The following DLG2 variants were observed in gnomAD, a reference collection of about 807,000 sequenced individuals.
The protein encoded by DLG2 is disks large homolog 2.
Under a neutral mutation model 132.5 loss-of-function variants are expected in DLG2, and 45 were observed. The ratio of observed to expected loss-of-function variants is 0.34; its 90% CI spans 0.27 to 0.44. DLG2 has a LOEUF of 0.44. DLG2 is among the 20% of genes least tolerant of loss of function. The probability of loss-of-function intolerance (pLI) is 1.00; values close to 1 mark genes in which losing one functional copy is unlikely to be tolerated. For missense variants in DLG2, 1,045 were observed against 1,196.9 expected, an observed-to-expected ratio of 0.87 and a Z score of 1.87; for synonymous variants, 424 against 419.6, an observed-to-expected ratio of 1.01 and a Z score of -0.13.
chr11:84,924,383 G>A (rs1304118229), intron 6 of DLG2, among the ~76,000 whole-genome samples: 2 of 152,274 alleles, frequency 1.3e-5, no homozygotes, highest in African/African-American at 4.8e-5. Flanking sequence ...TCAGCTTCCA[G>A]CAACAAGGAA....
intron 17 of DLG2, among the ~76,000 whole-genome samples, chr11:83,828,718 C>T (rs1480990640): frequency 6.6e-6 from 1 of 152,178 alleles, no homozygotes. Context: ...CCTCCTTATA[C>T]ATGGGTATCT....
intron 11 of DLG2, among the ~76,000 whole-genome samples, chr11:84,048,026 A>G (rs1163977962): frequency 6.6e-6 from 1 of 151,562 alleles, no homozygotes; most frequent in East Asian, 1.9e-4. Context: ...GAGCCTCCCA[A>G]TTCACAAGCA....
At chr11:85,401,729 C>A (rs1224000005) in intron 3 of DLG2, among the ~76,000 whole-genome samples, 1 of 152,084 alleles carries the variant, frequency 6.6e-6, no homozygotes, top group Non-Finnish European at 1.5e-5. Context: ...TGAGTGAACT[C>A]CCATTCACAA....
At chr11:83,781,786 T>C (rs1349868193) in intron 18 of DLG2, among the ~76,000 whole-genome samples, 1 of 152,212 alleles carries the variant, frequency 6.6e-6, no homozygotes, top group Non-Finnish European at 1.5e-5. Context: ...TCCAAGTCAA[T>C]ATCTGTGGCT....
intron 14 of DLG2, among the ~76,000 whole-genome samples, chr11:83,960,356 GC>G (rs1409197531): frequency 7.2e-5 from 11 of 152,066 alleles, no homozygotes; most frequent in African/African-American, 2.6e-4. Context: ...CCCTACTTTT[GC>G]TTGCTTGCTT....
At chr11:83,903,914 T>G (rs1267427706) in intron 15 of DLG2, among the ~76,000 whole-genome samples, 2 of 152,180 alleles carry the variant, frequency 1.3e-5, no homozygotes, top group Non-Finnish European at 2.9e-5. Context: ...ATACTGTGTT[T>G]TTTCCTATGC....
At position 84,417,836 on chromosome 11, in the gene DLG2, C is replaced by G. The variant is rs142484863; in HGVS notation, c.519+116734G>C. On this transcript the variant is annotated intron_variant, in intron 7 of 27. Transcript: ENST00000376104. ...TTAGAATCTCACTTTATTCAGGAAGCCTTTCTGGATGAAACTTATAAAACT... is the reference window on the plus strand; with the variant it reads ...TTAGAATCTCACTTTATTCAGGAAGGCTTTCTGGATGAAACTTATAAAACT... Among the ~76,000 whole-genome samples, 660 of 152,250 alleles carry G rather than the reference C, an allele frequency of 4.3e-3. 7 individuals carry two copies. Among genetic ancestry groups the G allele is most frequent in the African/African-American group, 0.014 (594 of 41,540 alleles).
intron 20 of DLG2, among the ~76,000 whole-genome samples, chr11:83,537,041 C>T (rs2095896718): frequency 6.6e-6 from 1 of 152,126 alleles, no homozygotes; most frequent in East Asian, 1.9e-4. Context: ...CAACTGCCTT[C>T]CTTCCCCACT....
At chr11:84,948,550 C>T (rs865866344) in intron 6 of DLG2, among the ~76,000 whole-genome samples, 3 of 152,168 alleles carry the variant, frequency 2.0e-5, no homozygotes, top group East Asian at 3.9e-4. Flanking sequence ...CATCTAAATG[C>T]CCAGTTTATG....
At chr11:84,747,412 T>C (rs2065517907) in intron 6 of DLG2, among the ~76,000 whole-genome samples, 1 of 152,152 alleles carries the variant, frequency 6.6e-6, no homozygotes, top group African/African-American at 2.4e-5. Context: ...GGAAACAATT[T>C]AGTAATTTTG....
intron 3 of DLG2, among the ~76,000 whole-genome samples, chr11:85,520,068 A>G (rs188640345): frequency 1.5e-3 from 231 of 151,090 alleles, no homozygotes; most frequent in Middle Eastern, 6.8e-3. Flanking sequence ...TTTGGTGGAG[A>G]TGGGGCCTCT....
intron 8 of DLG2, among the ~76,000 whole-genome samples, chr11:84,174,863 T>A (rs1566815663): frequency 6.6e-6 from 1 of 152,360 alleles, no homozygotes; most frequent in East Asian, 1.9e-4. Flanking sequence ...CTGGATTTTG[T>A]TAAATATGTA....
intron 6 of DLG2, among the ~76,000 whole-genome samples, chr11:84,930,668 G>C (rs1249224488): frequency 6.6e-6 from 1 of 152,058 alleles, no homozygotes; most frequent in Non-Finnish European, 1.5e-5. Flanking sequence ...CAAAATAAAA[G>C]AAAAATCAGT....
intron 9 of DLG2, among the ~76,000 whole-genome samples, chr11:84,158,431 T>C (rs912073756): frequency 3.3e-5 from 5 of 152,174 alleles, no homozygotes; most frequent in Admixed American, 2.0e-4. Flanking sequence ...TTGGAGGAAA[T>C]GATATTTAAG....
intron 20 of DLG2, among the ~76,000 whole-genome samples, chr11:83,538,760 C>A (rs2095969815): frequency 1.3e-5 from 2 of 152,214 alleles, no homozygotes; most frequent in African/African-American, 4.8e-5. Flanking sequence ...CTGGCCTTTA[C>A]AATATAGCCT....
rs17148214 is a variant in DLG2, at chr11:85,553,784, A to G, written c.40+44873T>C. 4.1e-3 allele frequency among the ~76,000 whole-genome samples: 626 copies of G among 151,628 alleles called. 7 individuals are homozygous for G. Among genetic ancestry groups the G allele is most frequent in the African/African-American group, 0.014 (568 of 41,492 alleles). On this transcript the variant is annotated intron_variant, in intron 3 of 27. Transcript: ENST00000376104. ...AGAATATAAATCAACAAAATTGGAG[A>G]ACAAAAGTAAAAAGAAAATCAATTT...
At chr11:84,775,133 A>G (rs1400184656) in intron 6 of DLG2, among the ~76,000 whole-genome samples, 1 of 152,214 alleles carries the variant, frequency 6.6e-6, no homozygotes, top group Non-Finnish European at 1.5e-5. Flanking sequence ...ATGAATAGAC[A>G]CTTCTCAAAA....
At chr11:83,886,301 G>A (rs940302471) in intron 15 of DLG2, among the ~76,000 whole-genome samples, 2 of 152,164 alleles carry the variant, frequency 1.3e-5, no homozygotes, top group African/African-American at 2.4e-5. Context: ...TGCAATCCTA[G>A]TCTCTGATAA....
intron 20 of DLG2, among the ~76,000 whole-genome samples, chr11:83,537,835 AGAG>A (rs1465128684): frequency 6.8e-3 from 542 of 79,934 alleles, no homozygotes; most frequent in African/African-American, 8.1e-3. Context: ...AAAAAAAAAA[AGAG>A]AGAGAGAGAT....
Sources: allele counts gnomAD v4.1 joint callset (sites outside exome capture counted in the v4.1 genomes callset), GRCh38; gene constraint gnomAD v4.1.1; transcripts MANE v1.5; gene names NCBI Gene and HGNC (gene_info 2026-07-23, HGNC 2026-07-21).